Variants in ATPAF2 observed in about 807,000 individuals in gnomAD.
ATPAF2 encodes ATP12 homolog.
ATPAF2 carries 30 observed loss-of-function variants against 36.6 expected under a neutral mutation model. The observed-to-expected ratio is 0.82, with a 90% CI of 0.61 to 1.11. The LOEUF is 1.11. Among genes scored for constraint, ATPAF2 ranks in the 50% most tolerant of loss-of-function variants. The probability of loss-of-function intolerance (pLI) is 0.00; values close to 1 mark genes in which losing one functional copy is unlikely to be tolerated. For missense variants in ATPAF2, 321 were observed against 372.3 expected (o/e 0.86, Z 1.13); for synonymous variants, 140 against 152.6 (o/e 0.92, Z 0.61).
intron 4 of ATPAF2, 56 bp downstream of exon 4, chr17:18,026,263 C>A: frequency 2.7e-6 from 4 of 1,485,928 alleles, no homozygotes; most frequent in South Asian, 2.3e-5. Context: ...ACCATCTGGG[C>A]AAATCAGGAA....
At chr17:18,031,292 T>G (rs2044631355) in intron 1 of ATPAF2, among the ~76,000 whole-genome samples, 3 of 151,970 alleles carry the variant, frequency 2.0e-5, no homozygotes, top group Admixed American at 6.6e-5. Flanking sequence ...AATATTTTTA[T>G]GTTTTCCCAT....
At chr17:18,030,955 G>A (rs1205731740) in intron 1 of ATPAF2, among the ~76,000 whole-genome samples, 18 of 132,314 alleles carry the variant, frequency 1.4e-4, no homozygotes, top group Non-Finnish European at 2.8e-4. Context: ...TTGCAGGCGT[G>A]AGCCACCGCG....
At chr17:18,035,988 G>A (rs1348081716) in intron 1 of ATPAF2, among the ~76,000 whole-genome samples, 1 of 152,232 alleles carries the variant, frequency 6.6e-6, no homozygotes, top group East Asian at 1.9e-4. Context: ...CAGAACACCT[G>A]CCACTCTGGG....
At chr17:18,027,077 C>T (rs957317695) in intron 3 of ATPAF2, among the ~76,000 whole-genome samples, 20 of 152,016 alleles carry the variant, frequency 1.3e-4, no homozygotes, top group African/African-American at 4.1e-4. Context: ...AAAAATTAGC[C>T]TGGCATGGTG....
Position 18,024,703 on chromosome 17 carries a change from A to G in ATPAF2, c.424T>C (p.Tyr142His), listed in dbSNP as rs2044520375. 3.7e-6 allele frequency: 6 copies of G among 1,612,468 alleles called. No homozygotes were observed. The highest frequency in any genetic ancestry group is 5.1e-6 in the Non-Finnish European group (6 of 1,178,500). ...AATGTCTCGGGCTCCTCCACCCTGT[A>G]GCTAATTCATTGTAAAAATAACCTT... ...VKFLDTDTIC[Y>H]RVEEPETLVE... Residue 142 changes from tyrosine (Y) to histidine (H), a missense_variant and splice_region_variant, in exon 5 of 8, where the codon TAC (tyrosine) becomes CAC (histidine). By Grantham distance (83) the Tyr-to-His change is moderately conservative. This residue lies in a region of ATPAF2 where 199 missense variants were observed against 220.6 expected (regional missense o/e 0.90). Coordinates refer to ENST00000474627, the MANE Select transcript of ATPAF2 (RefSeq NM_145691.4).
chr17:18,021,678 G>A (rs1323541878), intron 6 of ATPAF2, 67 bp downstream of exon 6: 1 of 1,391,460 alleles, frequency 7.2e-7, no homozygotes. Flanking sequence ...GGAGGGGCAA[G>A]TACAGGCTTC....
At chr17:18,027,292 T>C (rs1484073734) in intron 3 of ATPAF2, among the ~76,000 whole-genome samples, 2 of 152,098 alleles carry the variant, frequency 1.3e-5, no homozygotes, top group East Asian at 1.9e-4. Context: ...CCCTATTCGT[T>C]TGTAGCCCTA....
At chr17:18,016,070 G>A (rs1444651369), downstream of ATPAF2, 3 of 1,613,318 alleles carry the variant, frequency 1.9e-6, no homozygotes, top group African/African-American at 4.0e-5. Context: ...CCAGCTTTTT[G>A]TCGATAAAGA....
At position 18,018,054 on chromosome 17, in the gene ATPAF2, C is replaced by G. The variant is rs2044409432; in HGVS notation, c.*495G>C. ...AAAGATTGTTTGATTAAAAGCCAGCCAAAAAAAAGCCTTCAGGCTGAGGCT... is the reference window on the plus strand; with the variant it reads ...AAAGATTGTTTGATTAAAAGCCAGCGAAAAAAAAGCCTTCAGGCTGAGGCT... On this transcript the variant is annotated 3_prime_UTR_variant, in exon 8 of 8. Coordinates refer to ENST00000474627, the MANE Select transcript of ATPAF2 (RefSeq NM_145691.4). 1 of 176,588 alleles carries G rather than the reference C, an allele frequency of 5.7e-6. No individual in the cohort carries two copies. The highest frequency in any genetic ancestry group is 2.4e-5 in the African/African-American group (1 of 41,760). 10.9% of individuals were successfully genotyped at this position (176,588 alleles called of 1,614,324 possible).
At chr17:18,037,153 C>T (rs2044714206) in intron 1 of ATPAF2, among the ~76,000 whole-genome samples, 1 of 152,130 alleles carries the variant, frequency 6.6e-6, no homozygotes, top group Non-Finnish European at 1.5e-5. Context: ...TGAATGTGTC[C>T]CCTTTGCTAT....
In ATPAF2 at chr17:18,039,106, C is replaced by T; in HGVS notation, c.-93G>A. On this transcript the variant is annotated 5_prime_UTR_variant, in exon 1 of 8. Coordinates refer to ENST00000474627, the MANE Select transcript of ATPAF2 (RefSeq NM_145691.4). This position sits in a 1 kb window ranked among gnomAD's most constrained non-coding sequence, Gnocchi z 5.3. ...CCCAAAGCCGCACGGTCGGGCTGTA[C>T]GGAAACCTCTCAACGCCTCCTCAGA... 1.3e-6 allele frequency: 2 copies of T among 1,518,826 alleles called. No homozygotes were observed. The highest frequency in any genetic ancestry group is 2.0e-5 in the Admixed American group (1 of 50,986). 94.1% of individuals were successfully genotyped at this position (1,518,826 alleles called of 1,614,324 possible).
intron 3 of ATPAF2, among the ~76,000 whole-genome samples, chr17:18,027,782 A>C (rs760217025): frequency 6.6e-6 from 1 of 152,212 alleles, no homozygotes; most frequent in East Asian, 1.9e-4. Flanking sequence ...ACTGAGTACC[A>C]ACTAAATTAC....
At chr17:18,026,089 G>C in intron 4 of ATPAF2, 1 of 611,478 alleles carries the variant, frequency 1.6e-6, no homozygotes, top group South Asian at 1.8e-5. Context: ...CCCAGCCTAA[G>C]GAGCAGCTTC....
intron 1 of ATPAF2, among the ~76,000 whole-genome samples, chr17:18,028,881 ATGCT>A: frequency 6.6e-6 from 1 of 152,184 alleles, no homozygotes; most frequent in Non-Finnish European, 1.5e-5. Flanking sequence ...GGAACAGAAC[ATGCT>A]GGTCATACCT....
chr17:18,039,162 T>C lies in ATPAF2; in HGVS notation c.-149A>G. The stretch of plus-strand genomic sequence containing the variant: ...CAACCTCCCTTGGACGCCGCCATCT[T>C]CCGCATGACACCTACGGCGCGCCGT... On this transcript the variant is annotated 5_prime_UTR_variant, in exon 1 of 8. Coordinates refer to ENST00000474627, the MANE Select transcript of ATPAF2 (RefSeq NM_145691.4). This position sits in a 1 kb window ranked among gnomAD's most constrained non-coding sequence, Gnocchi z 5.3. The C allele has an allele frequency of 8.6e-7, 1 of 1,162,334 alleles. No individual in the cohort carries two copies. Among genetic ancestry groups the C allele is most frequent in the South Asian group, 1.3e-5 (1 of 75,070 alleles). 72.0% of individuals were successfully genotyped at this position (1,162,334 alleles called of 1,614,324 possible). A position where few individuals can be genotyped will look rare whatever the true frequency, so the allele number is the denominator to read the frequency against.
downstream of ATPAF2, among the ~76,000 whole-genome samples, chr17:18,017,198 AAAAAAAAAAAT>A (rs1258484220): frequency 2.2e-4 from 32 of 143,090 alleles, 2 homozygotes; most frequent in African/African-American, 5.9e-4. Flanking sequence ...AAAAAAAAAA[AAAAAAAAAAAT>A]GTTCATGTAG....
At chr17:18,036,747 C>T (rs978425067) in intron 1 of ATPAF2, among the ~76,000 whole-genome samples, 1 of 152,194 alleles carries the variant, frequency 6.6e-6, no homozygotes, top group Non-Finnish European at 1.5e-5. Context: ...CAAGTGCCAC[C>T]ATTATGTAAA....
downstream of ATPAF2, chr17:18,016,492 G>A: frequency 8.3e-7 from 1 of 1,198,588 alleles, no homozygotes; most frequent in African/African-American, 1.5e-5. Context: ...CCCTCAAACT[G>A]GATTCAGTGA....
At chr17:18,015,721 G>C, downstream of ATPAF2, 1 of 222,356 alleles carries the variant, frequency 4.5e-6, no homozygotes, top group Non-Finnish European at 9.2e-6. Context: ...AGACTTGAGA[G>C]TAATTGAGAG....
Sources: allele counts gnomAD v4.1 joint callset (sites outside exome capture counted in the v4.1 genomes callset), GRCh38; gene constraint gnomAD v4.1.1; regional missense constraint gnomAD v4.1.1; non-coding constraint Gnocchi (gnomAD v3.1); transcripts MANE v1.5; gene names NCBI Gene and HGNC (gene_info 2026-07-23, HGNC 2026-07-21).